Variants in RPGRIP1 observed in about 807,000 individuals in gnomAD.
RPGRIP1 encodes RPGR interacting protein 1.
Under a neutral mutation model 157.9 loss-of-function variants are expected in RPGRIP1, and 128 were observed. That is an observed-to-expected ratio of 0.81 (90% CI 0.70 to 0.94). The LOEUF (loss-of-function observed/expected upper bound fraction) is 0.94. RPGRIP1 is among the 40% of genes least tolerant of loss of function. The pLI, the probability that RPGRIP1 is intolerant of heterozygous loss-of-function variation, is 0.00. For synonymous variants in RPGRIP1, 554 were observed against 571.6 expected (o/e 0.97, Z 0.44); for missense variants, 1,486 against 1,545.8 (o/e 0.96, Z 0.65).
At chr14:21,309,481 C>T (rs79499868) in intron 7 of RPGRIP1, among the ~76,000 whole-genome samples, 4,005 of 152,032 alleles carry the variant, frequency 0.026, 172 homozygotes, top group African/African-American at 0.092. Context: ...GATCCCGATA[C>T]GGCACCTCAG....
At chr14:21,287,849 T>G (rs1880353845) in intron 1 of RPGRIP1, 90 bp from the exon 2 acceptor site, 1 of 640,000 alleles carries the variant, frequency 1.6e-6, no homozygotes, top group South Asian at 2.1e-5. Flanking sequence ...ATCATGAAAG[T>G]GCTGAGAAAT....
At chr14:21,290,386 T>G (rs541811601) in intron 2 of RPGRIP1, among the ~76,000 whole-genome samples, 4 of 152,272 alleles carry the variant, frequency 2.6e-5, no homozygotes, top group South Asian at 2.1e-4. Context: ...AAATATATTC[T>G]TTCTTGGCTG....
chr14:21,314,314 G>A (rs936884246), intron 10 of RPGRIP1, among the ~76,000 whole-genome samples: 1 of 152,054 alleles, frequency 6.6e-6, no homozygotes, highest in African/African-American at 2.4e-5. Flanking sequence ...AAACTCCTGG[G>A]CTCAAGTGAT....
rs577932201 is a variant in RPGRIP1, at chr14:21,325,330, C to G, written c.2314C>G (p.Gln772Glu). The G allele has an allele frequency of 9.3e-6, 15 of 1,605,282 alleles. No homozygotes were observed. Among genetic ancestry groups the G allele is most frequent in the Non-Finnish European group, 1.3e-5 (15 of 1,175,774 alleles). Residue 772 changes from glutamine to glutamate, a missense_variant, in exon 16 of 25, where the codon CAG becomes GAG. Transcript: ENST00000400017. ...LQACNKRKKAQVYLSTDVLGG... is the reference protein window; with the variant it reads ...LQACNKRKKAEVYLSTDVLGG... ...GGCGTGCAATAAACGAAAGAAAGCC[C>G]AGGTCTACCTGTCAACCGATGTGCT...
At chr14:21,335,260 C>A (rs984342094) in intron 21 of RPGRIP1, among the ~76,000 whole-genome samples, 1 of 152,026 alleles carries the variant, frequency 6.6e-6, no homozygotes, top group African/African-American at 2.4e-5. Flanking sequence ...TACTTCTGTC[C>A]TATCTGGATC....
In RPGRIP1 at chr14:21,328,492, T is replaced by A. The variant is rs1883351019; in HGVS notation, c.2964T>A (p.His988Gln). The A allele has an allele frequency of 1.2e-6, 2 of 1,613,354 alleles. No homozygotes were observed. Among genetic ancestry groups the A allele is most frequent in the Admixed American group, 3.3e-5 (2 of 59,946 alleles). ...ATCGATCTAAGAGAAAACCTCCTCATGGGGGAGAAAGAAAGGAGAAGGAGC... is the reference window on the plus strand; with the variant it reads ...ATCGATCTAAGAGAAAACCTCCTCAAGGGGGAGAAAGAAAGGAGAAGGAGC... ...GQYRSKRKPP[H>Q]GGERKEKEHQ... Residue 988 changes from histidine to glutamine, a missense_variant, in exon 19 of 25, where the codon CAT (histidine) becomes CAA (glutamine). Transcript: ENST00000400017.
At position 21,329,856 on chromosome 14, in the gene RPGRIP1, G is replaced by A. The variant is rs553888437; in HGVS notation, c.3100-393G>A. ...GTATTGTCTGGGCATGGTGACTCAC[G>A]CCTATAATCCTAGCACTTTGGGAGG... On this transcript the variant is annotated intron_variant, in intron 19 of 24. Coordinates refer to ENST00000400017, the MANE Select transcript of RPGRIP1 (RefSeq NM_020366.4). Among the ~76,000 whole-genome samples, 4 of 151,064 alleles carry A rather than the reference G, an allele frequency of 2.6e-5. No individual in the cohort carries two copies. The East Asian group carries it at 8.0e-4, about 30-fold the overall frequency.
intron 11 of RPGRIP1, among the ~76,000 whole-genome samples, chr14:21,318,893 C>A (rs1301783490): frequency 1.4e-5 from 2 of 148,144 alleles, no homozygotes; most frequent in African/African-American, 5.0e-5. Flanking sequence ...AATTACTATT[C>A]TTGGTTACCA....
At chr14:21,283,358 A>G (rs1256902618) in intron 1 of RPGRIP1, among the ~76,000 whole-genome samples, 1 of 152,118 alleles carries the variant, frequency 6.6e-6, no homozygotes, top group South Asian at 2.1e-4. Context: ...GCTGGAGTGC[A>G]ATGGTGTAAT....
intron 4 of RPGRIP1, 93 bp downstream of exon 4, chr14:21,301,330 C>A: frequency 7.5e-7 from 1 of 1,341,902 alleles, no homozygotes; most frequent in Non-Finnish European, 1.0e-6. Flanking sequence ...TTCTGCCCAC[C>A]ACCCCATTTT....
intron 4 of RPGRIP1, among the ~76,000 whole-genome samples, chr14:21,301,956 C>A (rs560945444): frequency 6.6e-6 from 1 of 152,054 alleles, no homozygotes; most frequent in South Asian, 2.1e-4. Flanking sequence ...TCTCATGGCC[C>A]TAAATCAGGA....
At chr14:21,323,018 A>G (rs774882562) in intron 14 of RPGRIP1, among the ~76,000 whole-genome samples, 10 of 152,242 alleles carry the variant, frequency 6.6e-5, no homozygotes, top group Non-Finnish European at 1.2e-4. Flanking sequence ...GTTATTTTAC[A>G]ATAGTGGCTA....
Position 21,294,681 on chromosome 14 carries a change from G to C in RPGRIP1, c.90G>C (p.Lys30Asn). The change falls in exon 3 of 25, where the codon AAG becomes AAC. Residue 30 changes from lysine (K) to asparagine (N), a missense_variant. By Grantham distance (94) the Lys-to-Asn change is moderately conservative. Coordinates refer to ENST00000400017, the MANE Select transcript of RPGRIP1 (RefSeq NM_020366.4). ...IPLVLPASKGKNMKTQPPLSR... is the reference protein window; with the variant it reads ...IPLVLPASKGNNMKTQPPLSR... Reference sequence around the variant, plus strand: ...TACTGTTTTCTGGGACTTTAGGTAAGAATATGAAAACTCAACCACCCTTGA... The same window carrying C: ...TACTGTTTTCTGGGACTTTAGGTAACAATATGAAAACTCAACCACCCTTGA... The C allele has an allele frequency of 6.2e-7, 1 of 1,613,172 alleles. No individual in the cohort carries two copies. The highest frequency in any genetic ancestry group is 8.5e-7 in the Non-Finnish European group (1 of 1,179,602).
At chr14:21,313,560 C>T (rs541276399) in intron 10 of RPGRIP1, among the ~76,000 whole-genome samples, 2 of 152,060 alleles carry the variant, frequency 1.3e-5, no homozygotes, top group South Asian at 2.1e-4. Context: ...GATGCCGAGG[C>T]GGCCAGATCA....
rs781308219 is a variant in RPGRIP1 at position 21,320,163 on chromosome 14, A to G, written c.1453A>G (p.Asn485Asp). Residue 485 changes from asparagine to aspartate, a missense_variant, in exon 12 of 25, where the codon AAC (asparagine) becomes GAC (aspartate). Transcript: ENST00000400017. ...CACTCACCCAGCTGTATTGCAAGAG[A>G]ACACTCAGATCGAGGTAAGAGCCTC... ...PATHPAVLQE[N>D]TQIEPSEPKN... 1.9e-6 allele frequency: 3 copies of G among 1,613,936 alleles called. No homozygotes were observed. The highest frequency in any genetic ancestry group is 1.6e-4 in the Middle Eastern group (1 of 6,062).
chr14:21,330,963 G>A (rs1883710433), intron 20 of RPGRIP1, among the ~76,000 whole-genome samples: 2 of 151,876 alleles, frequency 1.3e-5, no homozygotes, highest in South Asian at 2.1e-4. Context: ...AGGCTGGAGT[G>A]CAATGGCAGG....
At chr14:21,340,985 T>A (rs888685847) in intron 21 of RPGRIP1, among the ~76,000 whole-genome samples, 3 of 152,220 alleles carry the variant, frequency 2.0e-5, no homozygotes, top group African/African-American at 7.2e-5. Context: ...TCTTGATGTT[T>A]GGGAGAGTTG....
intron 1 of RPGRIP1, among the ~76,000 whole-genome samples, chr14:21,286,581 G>C (rs1880308786): frequency 6.6e-6 from 1 of 151,456 alleles, no homozygotes; most frequent in African/African-American, 2.4e-5. Flanking sequence ...GATCACCTGA[G>C]GCCAGGAGTT....
chr14:21,286,847 A>G (rs933867336), intron 1 of RPGRIP1, among the ~76,000 whole-genome samples: 8 of 151,912 alleles, frequency 5.3e-5, no homozygotes, highest in Admixed American at 4.6e-4. Context: ...ACAAAAGCAT[A>G]TACATACATA....
Sources: allele counts gnomAD v4.1 joint callset (sites outside exome capture counted in the v4.1 genomes callset), GRCh38; gene constraint gnomAD v4.1.1; transcripts MANE v1.5; gene names NCBI Gene and HGNC (gene_info 2026-07-23, HGNC 2026-07-21).